DHRS4: variants seen among roughly 807,000 people sequenced by gnomAD.
DHRS4 encodes the protein dehydrogenase/reductase SDR family member 4.
DHRS4 carries 20 observed loss-of-function variants against 28.4 expected under a neutral mutation model. That is an observed-to-expected ratio of 0.71 (90% CI 0.50 to 1.02). DHRS4 has a LOEUF of 1.02. Ranked by LOEUF, DHRS4 falls within the 50% of genes least tolerant of loss-of-function variation. The pLI, the probability that DHRS4 is intolerant of heterozygous loss-of-function variation, is 0.00. For synonymous variants in DHRS4, 144 were observed against 146.4 expected, an observed-to-expected ratio of 0.98 and a Z score of 0.12; for missense variants, 378 against 367.2, an observed-to-expected ratio of 1.03 and a Z score of -0.24.
At chr14:23,964,182 C>T (rs2033520876) in intron 3 of DHRS4, among the ~76,000 whole-genome samples, 1 of 106,824 alleles carries the variant, frequency 9.4e-6, no homozygotes, top group Non-Finnish European at 1.7e-5. Flanking sequence ...GGAAAAATGG[C>T]TCGAATTAAT....
At chr14:23,964,283 T>A (rs76193867) in intron 3 of DHRS4, among the ~76,000 whole-genome samples, 1 of 125,564 alleles carries the variant, frequency 8.0e-6, no homozygotes, top group Non-Finnish European at 1.6e-5. Flanking sequence ...TAAGAAAATA[T>A]GTGTCTATAA....
Position 23,960,125 on chromosome 14 carries a change from G to C in DHRS4, c.408+122G>C. On this transcript the variant is annotated intron_variant, in intron 3 of 7. Transcript: ENST00000313250. ...TGTAAATGTGAGGACTCTTTGCCACGTGCCACACACCTGGAGCACACCTTG... is the reference window on the plus strand; with the variant it reads ...TGTAAATGTGAGGACTCTTTGCCACCTGCCACACACCTGGAGCACACCTTG... 5.4e-6 allele frequency: 5 copies of C among 927,140 alleles called. No individual in the cohort carries two copies. In the South Asian group the frequency reaches 7.2e-5, roughly 13 times the overall value. 57.4% of individuals were successfully genotyped at this position (927,140 alleles called of 1,614,324 possible).
At chr14:23,963,856 T>C (rs1452781157) in intron 3 of DHRS4, among the ~76,000 whole-genome samples, 1 of 150,046 alleles carries the variant, frequency 6.7e-6, no homozygotes, top group Non-Finnish European at 1.5e-5. Context: ...CTCTTCCTTT[T>C]GCTTAAACAC....
chr14:23,956,650 G>T (rs1439193941), intron 2 of DHRS4, among the ~76,000 whole-genome samples: 1 of 149,460 alleles, frequency 6.7e-6, no homozygotes, highest in Admixed American at 6.7e-5. Flanking sequence ...TGTTGCCCAG[G>T]CTGAAGTGAT....
chr14:23,958,727 C>T (rs1333855484), intron 2 of DHRS4, among the ~76,000 whole-genome samples: 1 of 152,176 alleles, frequency 6.6e-6, no homozygotes, highest in East Asian at 1.9e-4. Context: ...CTGATGACCC[C>T]AACTCACTTT....
chr14:23,958,852 A>C (rs1453246892), intron 2 of DHRS4, among the ~76,000 whole-genome samples: 1 of 152,138 alleles, frequency 6.6e-6, no homozygotes, highest in East Asian at 1.9e-4. Context: ...CCAAACACAG[A>C]ATAAGCAGGC....
intron 1 of DHRS4, among the ~76,000 whole-genome samples, chr14:23,954,804 G>A (rs113367887): frequency 0.016 from 2,466 of 152,310 alleles, 66 homozygotes; most frequent in African/African-American, 0.057. Flanking sequence ...TGTAGAAAGT[G>A]ATGTCAGTTC....
intron 1 of DHRS4, chr14:23,954,220 G>A (rs2032986733): frequency 9.8e-6 from 3 of 307,288 alleles, no homozygotes; most frequent in Middle Eastern, 9.6e-4. Context: ...CTAGCGTCTG[G>A]GAAGACCAGA....
chr14:23,968,530 T>C (rs945635925), intron 7 of DHRS4, among the ~76,000 whole-genome samples: 3 of 151,210 alleles, frequency 2.0e-5, no homozygotes, highest in African/African-American at 7.3e-5. Flanking sequence ...GTTTCTATAG[T>C]ATTTGAATAT....
chr14:23,954,914 G>A (rs1214793304), intron 1 of DHRS4, 121 bp from the exon 2 acceptor site: 57 of 1,507,388 alleles, frequency 3.8e-5, no homozygotes, highest in Middle Eastern at 1.8e-4. Context: ...GTAGGCACAC[G>A]TAGGGGTTAT....
intron 5 of DHRS4, 45 bp downstream of exon 5, chr14:23,966,028 A>G: frequency 6.2e-7 from 1 of 1,608,088 alleles, no homozygotes; most frequent in South Asian, 1.1e-5. Context: ...CCTCCACTCC[A>G]CATCTTTCCA....
At chr14:23,956,398 G>A (rs2033155880) in intron 2 of DHRS4, among the ~76,000 whole-genome samples, 1 of 152,168 alleles carries the variant, frequency 6.6e-6, no homozygotes, top group South Asian at 2.1e-4. Context: ...TGGTACTTGA[G>A]CTAAACCTTA....
intron 2 of DHRS4, among the ~76,000 whole-genome samples, chr14:23,956,416 G>C (rs2033156220): frequency 6.6e-6 from 1 of 152,194 alleles, no homozygotes. Context: ...TTAAGGAATG[G>C]ATGGGAATGG....
Position 23,967,223 on chromosome 14 carries a change from A to G in DHRS4, c.679A>G (p.Lys227Glu), listed in dbSNP as rs1362140106. ...TSFSRMLWMD[K>E]EKEESMKETL... Reference sequence around the variant, plus strand: ...CTTCTTCCTGCAGCTCTGGATGGACAAGGAAAAAGAGGAAAGCATGAAAGA... The same window carrying G: ...CTTCTTCCTGCAGCTCTGGATGGACGAGGAAAAAGAGGAAAGCATGAAAGA... The change falls in exon 7 of 8, where the codon AAG (lysine) becomes GAG (glutamate). Residue 227 changes from lysine to glutamate, a missense_variant. By Grantham distance (56) the Lys-to-Glu change is moderately conservative (BLOSUM62 1). Coordinates refer to ENST00000313250, the MANE Select transcript of DHRS4 (RefSeq NM_021004.4). The G allele has an allele frequency of 6.2e-7, 1 of 1,613,012 alleles. No individual in the cohort carries two copies.
rs774232876 is a variant in DHRS4, at chr14:23,966,321, G to A, written c.570G>A (p.Leu190=). 3 of 1,614,022 alleles carry A rather than the reference G, an allele frequency of 1.9e-6. No individual in the cohort carries two copies. The highest frequency in any genetic ancestry group is 1.3e-5 in the African/African-American group (1 of 74,944). ...SPYNVSKTAL[L]GLTKTLAIEL... ...ACAATGTCAGTAAAACAGCCTTGCT[G>A]GGCCTGACCAAGACCCTGGCCATAG... The change falls in exon 6 of 8, where the codon CTG becomes CTA. Residue 190 remains leucine (L), a synonymous_variant. Coordinates refer to ENST00000313250, the MANE Select transcript of DHRS4 (RefSeq NM_021004.4).
At chr14:23,956,693 C>G in intron 2 of DHRS4, among the ~76,000 whole-genome samples, 1 of 151,614 alleles carries the variant, frequency 6.6e-6, no homozygotes, top group Non-Finnish European at 1.5e-5. Flanking sequence ...CAACCTCCGC[C>G]TCCAGGTTCA....
At chr14:23,958,280 A>G (rs2033256453) in intron 2 of DHRS4, among the ~76,000 whole-genome samples, 1 of 152,210 alleles carries the variant, frequency 6.6e-6, no homozygotes, top group African/African-American at 2.4e-5. Flanking sequence ...AACAAGAATA[A>G]TTAGTTAAAA....
chr14:23,958,884 A>G (rs1368907953), intron 2 of DHRS4, among the ~76,000 whole-genome samples: 1 of 152,196 alleles, frequency 6.6e-6, no homozygotes, highest in Non-Finnish European at 1.5e-5. Context: ...ACCTAGCCCC[A>G]GTGTGCCACT....
In DHRS4 at chr14:23,966,229, G is replaced by A. The variant is rs1237263341; in HGVS notation, c.532-54G>A. 5 of 1,584,554 alleles carry A rather than the reference G, an allele frequency of 3.2e-6. No individual in the cohort carries two copies. The East Asian group carries it at 1.1e-4, about 35-fold the overall frequency. On this transcript the variant is annotated intron_variant, in intron 5 of 7. Coordinates refer to ENST00000313250, the MANE Select transcript of DHRS4 (RefSeq NM_021004.4). ...CACTGCCCTCTATGTCTAGTTATTA[G>A]AACCAAGAATGACCTGGAAACTATG...
Sources: allele counts gnomAD v4.1 joint callset (sites outside exome capture counted in the v4.1 genomes callset), GRCh38; gene constraint gnomAD v4.1.1; transcripts MANE v1.5; gene names NCBI Gene and HGNC (gene_info 2026-07-23, HGNC 2026-07-21).